Variants in KLF17 observed in about 807,000 individuals in gnomAD.
KLF17 encodes the protein Krueppel-like factor 17.
Under a neutral mutation model 34.2 loss-of-function variants are expected in KLF17, and 31 were observed. The observed-to-expected ratio is 0.91, with a 90% CI of 0.68 to 1.22. KLF17 has a LOEUF of 1.22. Ranked by LOEUF, KLF17 falls within the 50% of genes most tolerant of loss-of-function variation. KLF17 has a pLI of 0.00. For synonymous variants in KLF17, 179 were observed against 186.7 expected, an observed-to-expected ratio of 0.96 and a Z score of 0.34; for missense variants, 478 against 505.2, an observed-to-expected ratio of 0.95 and a Z score of 0.52.
chr1:44,103,703 G>C, the KLF17 span: 1 of 1,583,048 alleles, frequency 6.3e-7, no homozygotes, highest in Non-Finnish European at 8.7e-7. Context: ...GCTGGAGGGC[G>C]GCCTCCAGCT....
At chr1:44,113,292 T>A in the KLF17 span, among the ~76,000 whole-genome samples, 2 of 151,948 alleles carry the variant, frequency 1.3e-5, no homozygotes, top group African/African-American at 4.8e-5. Flanking sequence ...GACCACACTT[T>A]GAGTAGCACC....
the KLF17 span, among the ~76,000 whole-genome samples, chr1:44,058,037 A>G: frequency 6.6e-6 from 1 of 152,224 alleles, no homozygotes; most frequent in East Asian, 1.9e-4. Context: ...AGAAGTGCCA[A>G]TTCCTACTTA....
the KLF17 span, among the ~76,000 whole-genome samples, chr1:44,091,350 C>T: frequency 6.6e-6 from 1 of 151,932 alleles, no homozygotes. Context: ...TGTCCTGTAG[C>T]TCCTAGAAAA....
At chr1:44,072,741 A>G in the KLF17 span, among the ~76,000 whole-genome samples, 1 of 152,070 alleles carries the variant, frequency 6.6e-6, no homozygotes, top group African/African-American at 2.4e-5. Flanking sequence ...TAAAACCACA[A>G]TAGTAGATGC....
the KLF17 span, among the ~76,000 whole-genome samples, chr1:44,091,635 C>CAAAAAA: frequency 3.8e-5 from 3 of 79,020 alleles, no homozygotes; most frequent in Non-Finnish European, 7.4e-5. Flanking sequence ...GACTCCATCT[C>CAAAAAA]AAAAAAAAAA....
chr1:44,055,574 A>T, the KLF17 span, among the ~76,000 whole-genome samples: 1 of 152,272 alleles, frequency 6.6e-6, no homozygotes, highest in Admixed American at 6.5e-5. Flanking sequence ...TCTAGCTCTA[A>T]GTGCTTACCT....
chr1:44,060,424 C>T, the KLF17 span, among the ~76,000 whole-genome samples: 78 of 152,172 alleles, frequency 5.1e-4, 1 homozygote, highest in Admixed American at 2.9e-3. Flanking sequence ...GCTGAGATCA[C>T]GCCATTGCAC....
At chr1:44,063,430 G>T in the KLF17 span, among the ~76,000 whole-genome samples, 131 of 152,302 alleles carry the variant, frequency 8.6e-4, 1 homozygote, top group Admixed American at 1.4e-3. Context: ...TACTAAGTCA[G>T]ATCTTTATGT....
the KLF17 span, among the ~76,000 whole-genome samples, chr1:44,102,743 A>G: frequency 3.2e-3 from 481 of 152,268 alleles, 2 homozygotes; most frequent in African/African-American, 0.011. Context: ...CAAATGCACC[A>G]TTCTGGCGCA....
At chr1:44,053,197 G>A in the KLF17 span, among the ~76,000 whole-genome samples, 129 of 152,146 alleles carry the variant, frequency 8.5e-4, no homozygotes, top group African/African-American at 2.7e-3. Flanking sequence ...CACTGCACCC[G>A]GCCTCATGAT....
the KLF17 span, among the ~76,000 whole-genome samples, chr1:44,112,600 G>A: frequency 2.0e-5 from 3 of 151,920 alleles, no homozygotes; most frequent in African/African-American, 7.3e-5. Flanking sequence ...AAGAGACGGG[G>A]TCTTGCTTTG....
At chr1:44,097,786 G>C in the KLF17 span, among the ~76,000 whole-genome samples, 1 of 152,068 alleles carries the variant, frequency 6.6e-6, no homozygotes, top group Non-Finnish European at 1.5e-5. Context: ...GTTGAGGTAT[G>C]TTCCTTCTAT....
the KLF17 span, among the ~76,000 whole-genome samples, chr1:44,052,812 G>A: frequency 1.3e-5 from 2 of 151,874 alleles, no homozygotes; most frequent in Non-Finnish European, 2.9e-5. Context: ...ATTCAAATTA[G>A]ACAAATTGAA....
the KLF17 span, chr1:44,045,396 T>G: frequency 6.6e-6 from 1 of 152,580 alleles, no homozygotes; most frequent in Admixed American, 6.5e-5. Flanking sequence ...CACACTCTGC[T>G]GATTCTCCTC....
chr1:44,121,486 G>A (rs936606736), intron 1 of KLF17, among the ~76,000 whole-genome samples: 5 of 152,144 alleles, frequency 3.3e-5, no homozygotes, highest in African/African-American at 7.2e-5. Context: ...AATGTACTTC[G>A]TAGCTGGTAC....
chr1:44,095,695 A>G, the KLF17 span, among the ~76,000 whole-genome samples: 1 of 152,082 alleles, frequency 6.6e-6, no homozygotes, highest in African/African-American at 2.4e-5. Context: ...AATTTATTTC[A>G]TAAATGTTTT....
At chr1:44,115,614 A>G (rs2154311132), upstream of KLF17, 1 of 152,234 alleles carries the variant, frequency 6.6e-6, no homozygotes, top group African/African-American at 2.4e-5. Flanking sequence ...TGAAATGAAA[A>G]CCTATTCCTT....
chr1:44,067,810 G>C, the KLF17 span, among the ~76,000 whole-genome samples: 15 of 152,042 alleles, frequency 9.9e-5, no homozygotes, highest in Non-Finnish European at 2.1e-4. Context: ...CTGACCTCAT[G>C]GGGGAAGGGT....
intron 1 of KLF17, among the ~76,000 whole-genome samples, chr1:44,119,418 AC>A (rs60590251): frequency 1.8e-3 from 259 of 147,656 alleles, no homozygotes; most frequent in African/African-American, 6.0e-3. Context: ...AAAAAAAAAA[AC>A]CCCAAAAATG....
Sources: gnomAD v4.1 joint callset for allele counts (sites outside exome capture counted in the v4.1 genomes callset) on GRCh38, gnomAD v4.1.1 for gene constraint, MANE v1.5 for transcripts, NCBI Gene and HGNC (gene_info 2026-07-23, HGNC 2026-07-21) for gene names.